The following CES5A variants were observed in gnomAD, a reference collection of about 807,000 sequenced individuals.
CES5A encodes carboxylesterase 5A.
A neutral mutation model predicts 62.9 loss-of-function variants in CES5A; 67 were observed. The observed-to-expected ratio is 1.07, with a 90% CI of 0.88 to 1.31. The LOEUF (loss-of-function observed/expected upper bound fraction) is 1.31, where lower values mean the gene tolerates loss of function less well. CES5A is among the 50% of genes most tolerant of loss of function. The pLI, the probability that CES5A is intolerant of heterozygous loss-of-function variation, is 0.00. For synonymous variants in CES5A, 296 were observed against 280.8 expected, an observed-to-expected ratio of 1.05 and a Z score of -0.54; for missense variants, 748 against 708.5, an observed-to-expected ratio of 1.06 and a Z score of -0.63.
intron 1 of CES5A, among the ~76,000 whole-genome samples, chr16:55,902,509 G>A (rs749172608): frequency 8.5e-5 from 13 of 152,178 alleles, no homozygotes; most frequent in Non-Finnish European, 1.5e-4. Context: ...GGACCTGCCC[G>A]TGGGAGGGAT....
At chr16:55,890,259 G>C (rs558595369) in intron 1 of CES5A, among the ~76,000 whole-genome samples, 1 of 151,884 alleles carries the variant, frequency 6.6e-6, no homozygotes, top group East Asian at 1.9e-4. Context: ...TGAAATTTTT[G>C]AGTGTAAGAA....
At position 55,851,784 on chromosome 16, in the gene CES5A, C is replaced by T. The variant is rs1446949156; in HGVS notation, c.1273+1097G>A. ...CACAATAGCTGAATGGTGGAAACAA[C>T]GCAAATGTCCATTAATGAATAAATG... On this transcript the variant is annotated intron_variant, in intron 10 of 12. Coordinates refer to ENST00000290567, the MANE Select transcript of CES5A (RefSeq NM_001143685.2). 3.9e-5 allele frequency among the ~76,000 whole-genome samples: 6 copies of T among 152,202 alleles called. No homozygotes were observed. The East Asian group carries it at 7.7e-4, about 20-fold the overall frequency.
intron 5 of CES5A, among the ~76,000 whole-genome samples, chr16:55,863,920 C>G (rs1181495955): frequency 6.6e-6 from 1 of 151,982 alleles, no homozygotes; most frequent in Non-Finnish European, 1.5e-5. Flanking sequence ...CCACGCCCAG[C>G]TAATTTTTGT....
chr16:55,867,420 T>C (rs2033486581), intron 4 of CES5A, among the ~76,000 whole-genome samples: 1 of 152,156 alleles, frequency 6.6e-6, no homozygotes, highest in South Asian at 2.1e-4. Flanking sequence ...AAGAAATGTC[T>C]AGACCGAAAG....
intron 1 of CES5A, among the ~76,000 whole-genome samples, chr16:55,955,473 A>C (rs1251457456): frequency 6.6e-6 from 1 of 152,230 alleles, no homozygotes; most frequent in Non-Finnish European, 1.5e-5. Context: ...TGACTTATTT[A>C]ATAAATCTTT....
chr16:55,848,022 T>C (rs183477772), intron 11 of CES5A, among the ~76,000 whole-genome samples: 1 of 152,286 alleles, frequency 6.6e-6, no homozygotes, highest in East Asian at 1.9e-4. Flanking sequence ...CAATTCTTCC[T>C]GCCTCAGCCT....
At chr16:55,859,422 T>G in intron 8 of CES5A, 125 bp downstream of exon 8, 1 of 864,690 alleles carries the variant, frequency 1.2e-6, no homozygotes, top group Non-Finnish European at 1.8e-6. Flanking sequence ...GTGATCACTG[T>G]GTGCTTGGCT....
At chr16:55,908,344 G>GTTGC (rs1555485333) in intron 1 of CES5A, among the ~76,000 whole-genome samples, 2 of 150,826 alleles carry the variant, frequency 1.3e-5, no homozygotes, top group Admixed American at 1.3e-4. Flanking sequence ...CAGTTTTGTT[G>GTTGC]TTGTTTGTTT....
chr16:55,850,112 G>A (rs2142382495), intron 10 of CES5A, among the ~76,000 whole-genome samples: 1 of 152,288 alleles, frequency 6.6e-6, no homozygotes, highest in East Asian at 1.9e-4. Flanking sequence ...AACTGTAAGG[G>A]TTCTTCTATT....
chr16:55,856,324 T>A, intron 9 of CES5A, 53 bp downstream of exon 9: 8 of 1,539,612 alleles, frequency 5.2e-6, no homozygotes, highest in Non-Finnish European at 6.3e-6. Flanking sequence ...GACCTAGGGC[T>A]ATCTGTTAAG....
intron 2 of CES5A, among the ~76,000 whole-genome samples, chr16:55,873,171 A>G (rs1298334833): frequency 3.3e-5 from 5 of 152,088 alleles, no homozygotes; most frequent in Non-Finnish European, 7.3e-5. Context: ...CTGCCCACCC[A>G]GTAAGTCTCA....
At chr16:55,900,166 C>T (rs1319031891) in intron 1 of CES5A, among the ~76,000 whole-genome samples, 1 of 152,186 alleles carries the variant, frequency 6.6e-6, no homozygotes, top group Non-Finnish European at 1.5e-5. Flanking sequence ...TCTCCAACCA[C>T]GGGAAATGGC....
chr16:55,888,468 A>G (rs4784603), intron 1 of CES5A, among the ~76,000 whole-genome samples: 35,101 of 152,050 alleles, frequency 0.23, 5,019 homozygotes, highest in Non-Finnish European at 0.32. Flanking sequence ...ATTGTCCAGT[A>G]GGTCTCTGGA....
At chr16:55,905,123 C>T (rs1295772225) in intron 1 of CES5A, among the ~76,000 whole-genome samples, 1 of 152,122 alleles carries the variant, frequency 6.6e-6, no homozygotes. Flanking sequence ...CTAAATGTGC[C>T]AGCAGCCCAG....
At position 55,846,540 on chromosome 16, in the gene CES5A, G is replaced by A; in HGVS notation, c.1639C>T (p.Leu547=). 2 of 1,614,186 alleles carry A rather than the reference G, an allele frequency of 1.2e-6. No homozygotes were observed. The highest frequency in any genetic ancestry group is 2.2e-5 in the East Asian group (1 of 44,878). Reference sequence around the variant, plus strand: ...CTGTGGAGCATGTCGGAGGCAGACAGGATCAGGGGGATGGTGCTGGTCCAA... The same window carrying A: ...CTGTGGAGCATGTCGGAGGCAGACAAGATCAGGGGGATGGTGCTGGTCCAA... The part of the protein sequence containing the change: ...DFWTSTIPLI[L]SASDMLHSPL... The change falls in exon 13 of 13, where the codon CTG becomes TTG. Residue 547 remains leucine, a synonymous_variant. Transcript: ENST00000290567.
In CES5A at chr16:55,849,740, C is replaced by T. The variant is rs200203037; in HGVS notation, c.1307G>A (p.Arg436Gln). Residue 436 changes from arginine (R) to glutamine (Q), a missense_variant, in exon 11 of 13, where the codon CGG becomes CAG. Transcript: ENST00000290567. ...AGAPVYFYEF[R>Q]HRPQCFEDTK... ...GTCTTCAAAGCACTGAGGCCGGTGC[C>T]GAAACTCATAGAAGTAGACAGGTGC... is the stretch of plus-strand genomic sequence containing the variant. 4.0e-4 allele frequency: 653 copies of T among 1,613,880 alleles called. 2 individuals are homozygous for T. The African/African-American group carries it at 7.3e-3, about 18-fold the overall frequency.
chr16:55,872,878 C>T (rs1402939746), intron 2 of CES5A, among the ~76,000 whole-genome samples: 1 of 152,150 alleles, frequency 6.6e-6, no homozygotes, highest in Non-Finnish European at 1.5e-5. Context: ...CTCCATGCTC[C>T]ATGATGACAG....
chr16:55,848,466 T>C (rs17251722), intron 11 of CES5A, among the ~76,000 whole-genome samples: 1,641 of 152,310 alleles, frequency 0.011, 11 homozygotes, highest in Middle Eastern at 0.017. Flanking sequence ...ATGTATAAAA[T>C]TGTTTCTCAC....
intron 1 of CES5A, among the ~76,000 whole-genome samples, chr16:55,893,126 A>G (rs2033898306): frequency 1.3e-5 from 2 of 152,210 alleles, no homozygotes; most frequent in African/African-American, 4.8e-5. Context: ...GCTAGAAAAC[A>G]GAAAGAAATT....
Sources: allele counts gnomAD v4.1 joint callset (sites outside exome capture counted in the v4.1 genomes callset), GRCh38; gene constraint gnomAD v4.1.1; transcripts MANE v1.5; gene names NCBI Gene and HGNC (gene_info 2026-07-23, HGNC 2026-07-21).